The following VPS13A variants were observed in gnomAD, a reference collection of about 807,000 sequenced individuals.
VPS13A encodes the protein intermembrane lipid transfer protein VPS13A.
VPS13A carries 264 observed loss-of-function variants against 390.9 expected under a neutral mutation model. The observed-to-expected ratio is 0.68, with a 90% CI of 0.61 to 0.75. The LOEUF is 0.75. VPS13A is among the 30% of genes least tolerant of loss of function. VPS13A has a pLI of 0.00. For missense variants in VPS13A, 3,409 were observed against 3,733.9 expected, an observed-to-expected ratio of 0.91 and a Z score of 2.27; for synonymous variants, 1,231 against 1,227.1, an observed-to-expected ratio of 1.00 and a Z score of -0.07.
intron 46 of VPS13A, among the ~76,000 whole-genome samples, chr9:77,336,781 A>T (rs1165037420): frequency 4.6e-5 from 7 of 151,222 alleles, no homozygotes; most frequent in African/African-American, 1.5e-4. Flanking sequence ...CAGAAAGTTA[A>T]GATGATATCT....
At chr9:77,297,006 A>G (rs1564704744) in intron 33 of VPS13A, among the ~76,000 whole-genome samples, 1 of 152,070 alleles carries the variant, frequency 6.6e-6, no homozygotes, top group Non-Finnish European at 1.5e-5. Context: ...CCTGATATTT[A>G]TAATTTCTGC....
At chr9:77,187,389 C>T (rs938246623) in intron 1 of VPS13A, among the ~76,000 whole-genome samples, 2 of 152,182 alleles carry the variant, frequency 1.3e-5, no homozygotes, top group African/African-American at 4.8e-5. Flanking sequence ...TCCTCACCAA[C>T]ATTTATTTTC....
In VPS13A at chr9:77,238,074, T is replaced by A; in HGVS notation, c.1668T>A (p.Ser556=). The change falls in exon 18 of 72, where the codon TCT becomes TCA. Residue 556 remains serine, a synonymous_variant. Transcript: ENST00000360280. ...PDNSEKPRLL[S]SLDDAMSLFQ... ...ATTCAGAAAAACCCCGCCTCCTGTC[T>A]TCATTGGATGATGCAATGTCACTTT... The A allele has an allele frequency of 6.2e-7, 1 of 1,613,738 alleles. No homozygotes were observed. The highest frequency in any genetic ancestry group is 1.3e-5 in the African/African-American group (1 of 75,028).
chr9:77,297,166 C>T (rs995841593), intron 33 of VPS13A, among the ~76,000 whole-genome samples: 2 of 151,066 alleles, frequency 1.3e-5, no homozygotes, highest in African/African-American at 2.4e-5. Flanking sequence ...CAATTTTGCT[C>T]TTTTTATAAG....
chr9:77,278,348 C>T (rs748068238), intron 26 of VPS13A, among the ~76,000 whole-genome samples: 16 of 150,866 alleles, frequency 1.1e-4, no homozygotes, highest in Non-Finnish European at 2.1e-4. Context: ...GCTGGGATTA[C>T]AGGCGTGAGC....
intron 22 of VPS13A, among the ~76,000 whole-genome samples, chr9:77,252,825 T>C (rs1825220147): frequency 6.6e-6 from 1 of 152,264 alleles, no homozygotes; most frequent in South Asian, 2.1e-4. Flanking sequence ...CAGAATTTCA[T>C]GTATTTTTAA....
At chr9:77,373,040 C>A (rs1006769677) in intron 67 of VPS13A, among the ~76,000 whole-genome samples, 1 of 152,062 alleles carries the variant, frequency 6.6e-6, no homozygotes, top group Non-Finnish European at 1.5e-5. Context: ...GAATCAATAT[C>A]GTGAAAATGG....
chr9:77,381,923 T>C (rs1833459158), intron 67 of VPS13A, 53 bp from the exon 68 acceptor site: 1 of 1,201,294 alleles, frequency 8.3e-7, no homozygotes, highest in Non-Finnish European at 1.2e-6. Context: ...TTATAGTTTA[T>C]TTACAAGTTT....
chr9:77,178,368 G>A (rs1287393873), intron 1 of VPS13A, among the ~76,000 whole-genome samples: 1 of 152,216 alleles, frequency 6.6e-6, no homozygotes, highest in Non-Finnish European at 1.5e-5. Context: ...TCCCCCTTCC[G>A]GCCCTAGGAC....
At position 77,337,141 on chromosome 9, in the gene VPS13A, A is replaced by C. The variant is rs184867824; in HGVS notation, c.6096-114A>C. The stretch of plus-strand genomic sequence containing the variant: ...CGTAAAAAGTATATGAAAATATAAA[A>C]ATGTACTACAATATTATGAAAGGAG... On this transcript the variant is annotated intron_variant, in intron 46 of 71. Transcript: ENST00000360280. 3.2e-4 allele frequency: 345 copies of C among 1,081,986 alleles called. 1 individual carries two copies. In the East Asian group the frequency reaches 7.7e-3, roughly 24 times the overall value. The allele number at this position is 1,081,986 out of a possible 1,614,324, so 67.0% of individuals were successfully genotyped here.
intron 19 of VPS13A, among the ~76,000 whole-genome samples, chr9:77,239,939 C>T (rs1824371636): frequency 6.6e-6 from 1 of 151,714 alleles, no homozygotes; most frequent in Non-Finnish European, 1.5e-5. Flanking sequence ...TTATATTCTC[C>T]TAGTCATTAT....
rs140030316 is a variant in VPS13A at position 77,321,053 on chromosome 9, T to C, written c.5416-116T>C. On this transcript the variant is annotated intron_variant, in intron 42 of 71. Transcript: ENST00000360280. ...GTAATTTCAATAAGGCAATAGAACTTACTGAAATTAGAAAAGATAAAATGT... is the reference window on the plus strand; with the variant it reads ...GTAATTTCAATAAGGCAATAGAACTCACTGAAATTAGAAAAGATAAAATGT... 1.5e-3 allele frequency: 1,420 copies of C among 956,020 alleles called. 18 individuals are homozygous for C. The African/African-American group carries it at 0.021, about 14-fold the overall frequency. 59.2% of individuals were successfully genotyped at this position (956,020 alleles called of 1,614,324 possible).
At chr9:77,232,247 G>T (rs1316260552) in intron 17 of VPS13A, among the ~76,000 whole-genome samples, 1 of 152,062 alleles carries the variant, frequency 6.6e-6, no homozygotes, top group Non-Finnish European at 1.5e-5. Context: ...CTGTTCAAGG[G>T]TTGCTTACAA....
At chr9:77,394,347 G>A (rs1390374960) in intron 68 of VPS13A, among the ~76,000 whole-genome samples, 2 of 151,910 alleles carry the variant, frequency 1.3e-5, no homozygotes, top group African/African-American at 2.4e-5. Context: ...AATTATACAC[G>A]TGAGATGCCT....
At chr9:77,247,439 G>A (rs1824880647) in intron 20 of VPS13A, 44 bp downstream of exon 20, 1 of 1,525,240 alleles carries the variant, frequency 6.6e-7, no homozygotes, top group Non-Finnish European at 8.9e-7. Context: ...CATTTGGGGT[G>A]TTTCTTTGTT....
chr9:77,241,608 C>T (rs1824503428), intron 19 of VPS13A, among the ~76,000 whole-genome samples: 1 of 151,862 alleles, frequency 6.6e-6, no homozygotes, highest in South Asian at 2.1e-4. Context: ...TCTTTTTATG[C>T]TTGGTAATTT....
chr9:77,307,833 T>C (rs2131408840), intron 34 of VPS13A, 112 bp from the exon 35 acceptor site: 1 of 833,384 alleles, frequency 1.2e-6, no homozygotes, highest in East Asian at 2.7e-5. Context: ...TTAATTGGTG[T>C]GGTAGAGGAT....
intron 1 of VPS13A, among the ~76,000 whole-genome samples, chr9:77,190,546 A>G (rs904032440): frequency 6.6e-6 from 1 of 152,056 alleles, no homozygotes; most frequent in Non-Finnish European, 1.5e-5. Context: ...TGTTTTTGTT[A>G]TGTCTCTGCC....
intron 68 of VPS13A, among the ~76,000 whole-genome samples, chr9:77,391,916 T>A (rs1294551695): frequency 6.6e-6 from 1 of 152,266 alleles, no homozygotes; most frequent in African/African-American, 2.4e-5. Context: ...CTGTTCATTA[T>A]GTGTTCAGAC....
Sources: gnomAD v4.1 joint callset for allele counts (sites outside exome capture counted in the v4.1 genomes callset) on GRCh38, gnomAD v4.1.1 for gene constraint, MANE v1.5 for transcripts, NCBI Gene and HGNC (gene_info 2026-07-23, HGNC 2026-07-21) for gene names.